The following MAPK8IP3 variants were observed in gnomAD, a reference collection of about 807,000 sequenced individuals.
The protein encoded by MAPK8IP3 is C-Jun-amino-terminal kinase-interacting protein 3.
A neutral mutation model predicts 157.8 loss-of-function variants in MAPK8IP3; 49 were observed. The observed-to-expected ratio is 0.31, with a 90% CI of 0.25 to 0.39. The LOEUF (loss-of-function observed/expected upper bound fraction) is 0.39, where lower values mean the gene tolerates loss of function less well. Among genes scored for constraint, MAPK8IP3 ranks in the 10% least tolerant of loss-of-function variants. The pLI, the probability that MAPK8IP3 is intolerant of heterozygous loss-of-function variation, is 1.00. For missense variants in MAPK8IP3, 1,478 were observed against 1,889.4 expected (o/e 0.78, Z 4.04); for synonymous variants, 897 against 777.7 (o/e 1.15, Z -2.55).
At chr16:1,733,426 T>C (rs2039444534) in intron 4 of MAPK8IP3, among the ~76,000 whole-genome samples, 1 of 152,208 alleles carries the variant, frequency 6.6e-6, no homozygotes, top group South Asian at 2.1e-4. Context: ...GAGCAGAGGC[T>C]GCCCCAGCTC....
chr16:1,719,506 A>T (rs1178030707), intron 1 of MAPK8IP3, among the ~76,000 whole-genome samples: 1 of 152,002 alleles, frequency 6.6e-6, no homozygotes, highest in Non-Finnish European at 1.5e-5. Context: ...ACACCACAAC[A>T]CCAGTTTAAA....
intron 4 of MAPK8IP3, 108 bp downstream of exon 4, chr16:1,729,686 G>T: frequency 1.9e-6 from 2 of 1,053,818 alleles, no homozygotes; most frequent in Non-Finnish European, 2.8e-6. Flanking sequence ...CGCGCTCTGG[G>T]CTCAGGACGA....
chr16:1,767,500 G>A, intron 26 of MAPK8IP3, 64 bp from the exon 27 acceptor site: 2 of 1,573,552 alleles, frequency 1.3e-6, no homozygotes, highest in South Asian at 1.2e-5. Flanking sequence ...GCTGTGGCAG[G>A]TTTGGGGCTC....
At chr16:1,732,240 G>T (rs774624876) in intron 4 of MAPK8IP3, among the ~76,000 whole-genome samples, 9 of 152,332 alleles carry the variant, frequency 5.9e-5, no homozygotes, top group African/African-American at 1.7e-4. Flanking sequence ...CAGCTGGAAG[G>T]GGGGAAGCCT....
At chr16:1,714,262 T>C (rs1302528761) in intron 1 of MAPK8IP3, 1 of 117,460 alleles carries the variant, frequency 8.5e-6, no homozygotes, top group East Asian at 2.3e-4. Context: ...GCTCACCCCG[T>C]TGGCAGGGTG....
chr16:1,728,406 G>A (rs1261483923), intron 2 of MAPK8IP3, among the ~76,000 whole-genome samples: 1 of 152,206 alleles, frequency 6.6e-6, no homozygotes, highest in Non-Finnish European at 1.5e-5. Context: ...GCCTCCTCCC[G>A]CAAGCTTCTT....
intron 4 of MAPK8IP3, among the ~76,000 whole-genome samples, chr16:1,734,791 CCAT>C (rs1188889424): frequency 6.6e-6 from 1 of 152,282 alleles, no homozygotes; most frequent in Non-Finnish European, 1.5e-5. Context: ...CCTTGATTCA[CCAT>C]GAGGGCGCCG....
chr16:1,736,163 T>G (rs1277466675), intron 4 of MAPK8IP3, among the ~76,000 whole-genome samples: 1 of 135,674 alleles, frequency 7.4e-6, no homozygotes, highest in Admixed American at 7.9e-5. Context: ...ACCGTCCGTG[T>G]GAGCGTCCGT....
chr16:1,735,701 G>T (rs1311972550), intron 4 of MAPK8IP3, among the ~76,000 whole-genome samples: 1 of 133,458 alleles, frequency 7.5e-6, no homozygotes, highest in African/African-American at 2.9e-5. Context: ...CTGTGTGCCT[G>T]TCCGTGTGAG....
Position 1,767,629 on chromosome 16 carries a change from C to A in MAPK8IP3, c.3303C>A (p.Gly1101=), listed in dbSNP as rs1208826111. Residue 1101 remains glycine, a synonymous_variant, in exon 27 of 32, where the codon GGC becomes GGA. Transcript: ENST00000610761. ...GGCAGCTGGCGTGGATCGGCGATGG[C>A]GTATGGGTGTCCATCCGCCTGGACT... The part of the protein sequence containing the change: ...QVRQLAWIGD[G]VWVSIRLDST... 6.2e-7 allele frequency: 1 copy of A among 1,612,586 alleles called. No individual in the cohort carries two copies.
At position 1,753,078 on chromosome 16, in the gene MAPK8IP3, C is replaced by T. The variant is rs148571152; in HGVS notation, c.1216+4358C>T. 1.0e-3 allele frequency among the ~76,000 whole-genome samples: 157 copies of T among 152,306 alleles called. 1 individual carries two copies. The highest frequency in any genetic ancestry group is 3.5e-3 in the African/African-American group (144 of 41,572). On this transcript the variant is annotated intron_variant, in intron 8 of 31. Transcript: ENST00000610761. Reference sequence around the variant, plus strand: ...ATTTCAGAAACACGTCAGCTTTGCACGTGACGGGAGGGTGCTTCTGCCAAA... The same window carrying T: ...ATTTCAGAAACACGTCAGCTTTGCATGTGACGGGAGGGTGCTTCTGCCAAA...
At chr16:1,717,674 C>T (rs1037100800) in intron 1 of MAPK8IP3, among the ~76,000 whole-genome samples, 14 of 152,198 alleles carry the variant, frequency 9.2e-5, no homozygotes, top group South Asian at 2.1e-4. Flanking sequence ...AAGATACTAC[C>T]GTGCTGTATT....
chr16:1,719,405 A>G (rs902923873), intron 1 of MAPK8IP3, among the ~76,000 whole-genome samples: 1 of 152,244 alleles, frequency 6.6e-6, no homozygotes, highest in African/African-American at 2.4e-5. Flanking sequence ...TCTCAAATCA[A>G]TCTAGAAGGA....
rs1160146507 is a variant in MAPK8IP3 at position 1,768,737 on chromosome 16, A to G, written c.3927A>G (p.Ala1309=). ...AGGACGACGAGACGGAGGAGGGCGC[A>G]GGGGACATGAGCCAGGTGAAGCCCG... The part of the protein sequence containing the change: ...DGEDDETEEG[A]GDMSQVKPVL... The change falls in exon 32 of 32, where the codon GCA becomes GCG. Residue 1309 remains alanine (A), a synonymous_variant. Coordinates refer to ENST00000610761, the MANE Select transcript of MAPK8IP3 (RefSeq NM_001318852.2). 9 of 1,612,618 alleles carry G rather than the reference A, an allele frequency of 5.6e-6. No individual in the cohort carries two copies. Among genetic ancestry groups the G allele is most frequent in the South Asian group, 5.5e-5 (5 of 91,088 alleles).
rs1012729719 is a variant in MAPK8IP3 at position 1,742,792 on chromosome 16, T to C, written c.603-540T>C. Among the ~76,000 whole-genome samples, 4 of 152,108 alleles carry C rather than the reference T, an allele frequency of 2.6e-5. No individual in the cohort carries two copies. The highest frequency in any genetic ancestry group is 4.4e-5 in the Non-Finnish European group (3 of 68,008). On this transcript the variant is annotated intron_variant, in intron 4 of 31. Transcript: ENST00000610761. The surrounding 1 kb of genome is among the most constrained non-coding windows in gnomAD (Gnocchi z 5.0). ...CCAAGTCCCGTGGCTGGCTCTGCTGTGGGGTGTCTAAAGCACACCCGGCTT... is the reference window on the plus strand; with the variant it reads ...CCAAGTCCCGTGGCTGGCTCTGCTGCGGGGTGTCTAAAGCACACCCGGCTT...
At chr16:1,749,021 G>A (rs1162803722) in intron 8 of MAPK8IP3, 4 of 454,388 alleles carry the variant, frequency 8.8e-6, no homozygotes, top group South Asian at 7.3e-5. Context: ...TGTAGATGCT[G>A]TGTAAGTAGT....
At chr16:1,709,686 G>A (rs2037639124) in intron 1 of MAPK8IP3, among the ~76,000 whole-genome samples, 1 of 152,274 alleles carries the variant, frequency 6.6e-6, no homozygotes, top group African/African-American at 2.4e-5. Context: ...GGCTGGCAAG[G>A]AGCAGATGCT....
At chr16:1,759,897 C>T (rs1350995576) in intron 10 of MAPK8IP3, 61 bp from the exon 11 acceptor site, 12 of 1,436,900 alleles carry the variant, frequency 8.4e-6, no homozygotes, top group African/African-American at 5.6e-5. Flanking sequence ...GAGGCAGGTG[C>T]GGCGGCATCA....
intron 3 of MAPK8IP3, 96 bp downstream of exon 3, chr16:1,729,304 A>G (rs1390727121): frequency 3.5e-6 from 5 of 1,435,476 alleles, no homozygotes; most frequent in Middle Eastern, 1.8e-4. Flanking sequence ...CTTCCCTGGC[A>G]TGTCCCTTTT....
Sources: allele counts gnomAD v4.1 joint callset (sites outside exome capture counted in the v4.1 genomes callset), GRCh38; gene constraint gnomAD v4.1.1; non-coding constraint Gnocchi (gnomAD v3.1); transcripts MANE v1.5; gene names NCBI Gene and HGNC (gene_info 2026-07-23, HGNC 2026-07-21).